Variants in PNLIPRP1 observed in about 807,000 individuals in gnomAD.
The protein encoded by PNLIPRP1 is inactive pancreatic lipase-related protein 1.
Under a neutral mutation model 54.6 loss-of-function variants are expected in PNLIPRP1, and 57 were observed. The ratio of observed to expected loss-of-function variants is 1.04; its 90% CI spans 0.84 to 1.30. The LOEUF (loss-of-function observed/expected upper bound fraction) is 1.30. Ranked by LOEUF, PNLIPRP1 falls within the 50% of genes most tolerant of loss-of-function variation. PNLIPRP1 has a pLI of 0.00. For synonymous variants in PNLIPRP1, 232 were observed against 208.8 expected (o/e 1.11, Z -0.96); for missense variants, 567 against 568.5 (o/e 1.00, Z 0.03).
chr10:116,599,675 A>G (rs1554864483), intron 8 of PNLIPRP1, among the ~76,000 whole-genome samples: 1 of 152,226 alleles, frequency 6.6e-6, no homozygotes, highest in Admixed American at 6.5e-5. Flanking sequence ...TGGGCCGAAG[A>G]CAAGATGGGC....
chr10:116,598,258 A>G, intron 8 of PNLIPRP1, 92 bp downstream of exon 8: 1 of 1,204,944 alleles, frequency 8.3e-7, no homozygotes, highest in Non-Finnish European at 1.1e-6. Context: ...TAAAAATGAA[A>G]CTGTCTTTAA....
chr10:116,603,260 C>T (rs775208083), intron 10 of PNLIPRP1, among the ~76,000 whole-genome samples: 3 of 152,102 alleles, frequency 2.0e-5, no homozygotes, highest in Admixed American at 6.5e-5. Flanking sequence ...GCTGCACTCC[C>T]GAGCTACCTT....
At chr10:116,605,621 C>A in intron 12 of PNLIPRP1, 68 bp downstream of exon 12, 1 of 1,225,066 alleles carries the variant, frequency 8.2e-7, no homozygotes, top group South Asian at 1.9e-5. Context: ...AAAACCCACC[C>A]TAGAAAGTTA....
intron 12 of PNLIPRP1, 61 bp from the exon 13 acceptor site, chr10:116,608,992 C>A: frequency 7.6e-7 from 1 of 1,308,906 alleles, no homozygotes; most frequent in Non-Finnish European, 1.1e-6. Context: ...CAAAACAAAA[C>A]AAAACACCTG....
intron 6 of PNLIPRP1, 43 bp downstream of exon 6, chr10:116,596,365 C>T (rs1554863975): frequency 8.2e-7 from 1 of 1,218,772 alleles, no homozygotes; most frequent in Admixed American, 1.8e-5. Context: ...CCCCAGAAAC[C>T]CCAGAATGAG....
chr10:116,594,358 T>C (rs1554863650), intron 4 of PNLIPRP1: 3 of 519,660 alleles, frequency 5.8e-6, no homozygotes, highest in South Asian at 4.3e-5. Flanking sequence ...CCCCTTACAG[T>C]CAAATCCACA....
chr10:116,592,738 T>C, intron 4 of PNLIPRP1, 197 bp downstream of exon 4: 4 of 699,902 alleles, frequency 5.7e-6, no homozygotes, highest in South Asian at 4.5e-5. Context: ...CATTTGCTGT[T>C]AGAAAAGTAC....
rs11197744 is a variant in PNLIPRP1 at position 116,591,902 on chromosome 10, A to G, written c.181A>G (p.Asn61Asp). Residue 61 changes from asparagine to aspartate, a missense_variant, in exon 3 of 13, where the codon AAT (asparagine) becomes GAT (aspartate). Transcript: ENST00000358834. Reference protein sequence around the residue: ...KIGTRFLLYTNENPNNFQILL... With the variant: ...KIGTRFLLYTDENPNNFQILL... ...CGGCACCCGCTTCCTGCTGTACACC[A>G]ATGAAAACCCAAACAACTTTCAAGT... is the stretch of plus-strand genomic sequence containing the variant. 41,547 of 1,614,070 alleles carry G rather than the reference A, an allele frequency of 0.026. 644 individuals carry two copies. Among genetic ancestry groups the G allele is most frequent in the South Asian group, 0.029 (2,617 of 91,082 alleles).
chr10:116,600,295 G>A, intron 9 of PNLIPRP1, 130 bp downstream of exon 9: 2 of 634,028 alleles, frequency 3.2e-6, no homozygotes, highest in South Asian at 4.6e-5. Context: ...TGGTCCTGTG[G>A]AGTGGAAGAG....
chr10:116,603,977 T>C (rs1589576231), intron 10 of PNLIPRP1, 53 bp from the exon 11 acceptor site: 1 of 1,033,216 alleles, frequency 9.7e-7, no homozygotes. Context: ...GTCTGGGATG[T>C]AGGCTACTTA....
Position 116,609,109 on chromosome 10 carries a change from C to T in PNLIPRP1, c.1397C>T (p.Pro466Leu), listed in dbSNP as rs201564838. 6.2e-7 allele frequency: 1 copy of T among 1,610,052 alleles called. No individual in the cohort carries two copies. Among genetic ancestry groups the T allele is most frequent in the Admixed American group, 1.7e-5 (1 of 59,502 alleles). The change falls in exon 13 of 13, where the codon CCC becomes CTC. Residue 466 changes from proline (P) to leucine (L), a missense_variant. Pro to Leu is a moderately conservative substitution (Grantham distance 98, BLOSUM62 -3). Transcript: ENST00000358834. Reference protein sequence around the residue: ...VREDTLLTLTPC With the variant: ...VREDTLLTLTLC ...GAAGACACGCTGCTCACCCTCACGC[C>T]CTGCTAAGCTCCCGGGGCGACGAGG...
rs75669229 is a variant in PNLIPRP1, at chr10:116,592,595, A to G, written c.330+54A>G. ...AGCTGAGGCCAACACTTCTGCTAAC[A>G]TCTCTGCATCACTTTATGCACTCAA... is the stretch of plus-strand genomic sequence containing the variant. On this transcript the variant is annotated intron_variant, in intron 4 of 12. Transcript: ENST00000358834. The G allele has an allele frequency of 1.3e-3, 2,055 of 1,605,224 alleles. 20 individuals carry two copies. In the African/African-American group the frequency reaches 0.025, roughly 19 times the overall value.
intron 2 of PNLIPRP1, among the ~76,000 whole-genome samples, 179 bp from the exon 3 acceptor site, chr10:116,591,592 C>A (rs1008449537): frequency 6.6e-6 from 1 of 152,150 alleles, no homozygotes; most frequent in Non-Finnish European, 1.5e-5. Flanking sequence ...ACTGATACTA[C>A]TACCGGCCAG....
At chr10:116,592,393 A>G (rs1867991) in intron 3 of PNLIPRP1, 23 bp from the exon 4 acceptor site, 4 of 1,571,390 alleles carry the variant, frequency 2.5e-6, no homozygotes, top group Middle Eastern at 1.7e-4. Flanking sequence ...CGAAAACATG[A>G]AGCACTTCTG....
chr10:116,592,200 T>C, intron 3 of PNLIPRP1: 2 of 648,450 alleles, frequency 3.1e-6, no homozygotes, highest in Admixed American at 3.0e-5. Flanking sequence ...ACAGGGAAGG[T>C]AAAACCTCAA....
At chr10:116,604,717 T>C (rs570316723) in intron 11 of PNLIPRP1, among the ~76,000 whole-genome samples, 1 of 145,358 alleles carries the variant, frequency 6.9e-6, no homozygotes, top group East Asian at 2.1e-4. Flanking sequence ...AGAAAGAGTC[T>C]TTGCTCTGTC....
intron 5 of PNLIPRP1, 199 bp downstream of exon 5, chr10:116,595,063 GT>G: frequency 1.7e-6 from 1 of 596,536 alleles, no homozygotes; most frequent in Non-Finnish European, 2.8e-6. Context: ...TTAGAAAGTG[GT>G]TTTTTAAAAA....
intron 12 of PNLIPRP1, among the ~76,000 whole-genome samples, chr10:116,606,650 CAGG>C (rs1320609711): frequency 6.6e-6 from 1 of 152,124 alleles, no homozygotes; most frequent in East Asian, 1.9e-4. Context: ...GAGGTGTTCC[CAGG>C]AGATGACTTG....
At chr10:116,600,401 C>A in intron 9 of PNLIPRP1, 1 of 429,030 alleles carries the variant, frequency 2.3e-6, no homozygotes, top group Non-Finnish European at 4.2e-6. Context: ...AGAGAAAGAG[C>A]AGTCAATTCA....
Sources: allele counts gnomAD v4.1 joint callset (sites outside exome capture counted in the v4.1 genomes callset), GRCh38; gene constraint gnomAD v4.1.1; transcripts MANE v1.5; gene names NCBI Gene and HGNC (gene_info 2026-07-23, HGNC 2026-07-21).